RUBCN: variants seen among roughly 807,000 people sequenced by gnomAD.
RUBCN encodes rubicon autophagy regulator, also known as run domain Beclin-1-interacting and cysteine-rich domain-containing protein.
RUBCN carries 74 observed loss-of-function variants against 113.2 expected under a neutral mutation model. The observed-to-expected ratio is 0.65, with a 90% CI of 0.54 to 0.79. The LOEUF (loss-of-function observed/expected upper bound fraction) is 0.79. Ranked by LOEUF, RUBCN falls within the 30% of genes least tolerant of loss-of-function variation. The probability of loss-of-function intolerance (pLI) is 0.00; values close to 1 mark genes in which losing one functional copy is unlikely to be tolerated. For synonymous variants in RUBCN, 480 were observed against 490.0 expected (o/e 0.98, Z 0.27); for missense variants, 1,109 against 1,251.7 (o/e 0.89, Z 1.72).
chr3:197,677,417 G>A (rs370240295), intron 17 of RUBCN, 63 bp downstream of exon 17: 42 of 1,369,534 alleles, frequency 3.1e-5, no homozygotes, highest in African/African-American at 2.7e-4. Flanking sequence ...AGCCAAGCGC[G>A]GGGATGTGTC....
upstream of RUBCN, among the ~76,000 whole-genome samples, chr3:197,741,394 A>G (rs1473677762): frequency 6.6e-6 from 1 of 152,202 alleles, no homozygotes; most frequent in Non-Finnish European, 1.5e-5. Flanking sequence ...GGCATATATA[A>G]AGCTTATAGT....
Position 197,674,772 on chromosome 3 carries a change from T to C in RUBCN, c.*246A>G, listed in dbSNP as rs1377920201. Reference sequence around the variant, plus strand: ...TAGAAGCTTCACTGAAGGACCCGCATGTCAGTTCTGATGGAAACACCTGGT... The same window carrying C: ...TAGAAGCTTCACTGAAGGACCCGCACGTCAGTTCTGATGGAAACACCTGGT... On this transcript the variant is annotated 3_prime_UTR_variant, in exon 20 of 20. Coordinates refer to ENST00000296343, the MANE Select transcript of RUBCN (RefSeq NM_014687.4). The C allele has an allele frequency of 1.9e-6, 1 of 526,452 alleles. No homozygotes were observed. The allele number at this position is 526,452 out of a possible 1,614,324, so 32.6% of individuals were successfully genotyped here.
Position 197,700,950 on chromosome 3 carries a change from G to A in RUBCN, c.924C>T (p.Val308=). The part of the protein sequence containing the change: ...TLTSPIEASW[V]SSQNDSPGDA... ...CACCTGGGGAATCATTCTGGCTGCT[G>A]ACCCAGGATGCCTCTATGGGGCTGG... The change falls in exon 7 of 20, where the codon GTC becomes GTT. Residue 308 remains valine (V), a synonymous_variant. Coordinates refer to ENST00000296343, the MANE Select transcript of RUBCN (RefSeq NM_014687.4). 6.2e-7 allele frequency: 1 copy of A among 1,614,200 alleles called. No homozygotes were observed. The highest frequency in any genetic ancestry group is 8.5e-7 in the Non-Finnish European group (1 of 1,180,040).
chr3:197,735,981 T>G (rs1728079897), intron 1 of RUBCN, among the ~76,000 whole-genome samples: 1 of 152,196 alleles, frequency 6.6e-6, no homozygotes, highest in Non-Finnish European at 1.5e-5. Flanking sequence ...ACTTGCTTAG[T>G]TTGCATTGTG....
At chr3:197,708,536 A>G (rs1219193268) in intron 2 of RUBCN, among the ~76,000 whole-genome samples, 1 of 150,760 alleles carries the variant, frequency 6.6e-6, no homozygotes, top group African/African-American at 2.5e-5. Flanking sequence ...AGAAAAAAAA[A>G]GACTACAGTG....
intron 17 of RUBCN, 73 bp from the exon 18 acceptor site, chr3:197,677,111 T>A: frequency 6.7e-7 from 1 of 1,492,894 alleles, no homozygotes; most frequent in Non-Finnish European, 9.3e-7. Flanking sequence ...AGGATCCCTA[T>A]CCAGAAACTG....
intron 1 of RUBCN, among the ~76,000 whole-genome samples, chr3:197,724,258 A>G (rs1366439766): frequency 6.6e-6 from 1 of 151,826 alleles, no homozygotes; most frequent in African/African-American, 2.4e-5. Context: ...CCATGTTATA[A>G]TAAGTATGTT....
At chr3:197,745,808 G>A (rs578253124) in intron 1 of RUBCN, among the ~76,000 whole-genome samples, 15 of 152,118 alleles carry the variant, frequency 9.9e-5, no homozygotes, top group African/African-American at 2.7e-4. Context: ...AGTCTGAGTC[G>A]GGTGGATCAC....
intron 1 of RUBCN, among the ~76,000 whole-genome samples, chr3:197,734,387 T>C (rs1024974980): frequency 1.4e-5 from 2 of 147,636 alleles, no homozygotes; most frequent in East Asian, 2.0e-4. Flanking sequence ...CTAGGCAACA[T>C]AGTGAGACCC....
chr3:197,684,496 G>C (rs1333665337), intron 11 of RUBCN, among the ~76,000 whole-genome samples: 2 of 152,092 alleles, frequency 1.3e-5, no homozygotes, highest in Non-Finnish European at 2.9e-5. Context: ...GTGTAAAACA[G>C]TGAATGAGAA....
chr3:197,701,844 G>T lies in RUBCN; in HGVS notation c.591C>A (p.Ser197Arg). The T allele has an allele frequency of 6.2e-7, 1 of 1,614,178 alleles. No individual in the cohort carries two copies. The highest frequency in any genetic ancestry group is 8.5e-7 in the Non-Finnish European group (1 of 1,180,030). Residue 197 changes from serine to arginine, a missense_variant, in exon 6 of 20, where the codon AGC becomes AGA. By Grantham distance (110) the Ser-to-Arg change is moderately radical. Coordinates refer to ENST00000296343, the MANE Select transcript of RUBCN (RefSeq NM_014687.4). ...TCTGGCTCTTTGTCACCAGGAGCGG[G>T]CTCTCGTGCTTTCTGGCAAACTAAA... ...DASMFARKHE[S>R]PLLVTKSQSL...
intron 11 of RUBCN, among the ~76,000 whole-genome samples, chr3:197,689,353 A>G (rs1031910398): frequency 6.6e-6 from 1 of 152,182 alleles, no homozygotes; most frequent in Non-Finnish European, 1.5e-5. Flanking sequence ...TTTTTAATTG[A>G]AAAACATTTC....
chr3:197,715,028 G>A (rs184629944), intron 2 of RUBCN, among the ~76,000 whole-genome samples: 85 of 152,202 alleles, frequency 5.6e-4, no homozygotes, highest in African/African-American at 2.0e-3. Context: ...AGTGGCTCAC[G>A]CCTGTCATCC....
intron 1 of RUBCN, among the ~76,000 whole-genome samples, chr3:197,746,654 C>T (rs1260605126): frequency 1.3e-5 from 2 of 152,054 alleles, no homozygotes; most frequent in Non-Finnish European, 2.9e-5. Context: ...AAACAATTGT[C>T]CGTTGTTTAT....
chr3:197,740,238 G>GTTTT (rs5855652), upstream of RUBCN, among the ~76,000 whole-genome samples: 1 of 149,916 alleles, frequency 6.7e-6, no homozygotes. Flanking sequence ...CCCTTCTTTT[G>GTTTT]TTTTTTTTTC....
intron 16 of RUBCN, among the ~76,000 whole-genome samples, chr3:197,678,683 AC>A (rs1252640241): frequency 6.8e-6 from 1 of 147,754 alleles, no homozygotes; most frequent in Non-Finnish European, 1.5e-5. Flanking sequence ...CGCTCTGACA[AC>A]TGGCTCCAGA....
chr3:197,710,235 G>C (rs1437472029), intron 2 of RUBCN, among the ~76,000 whole-genome samples: 1 of 151,714 alleles, frequency 6.6e-6, no homozygotes, highest in Non-Finnish European at 1.5e-5. Flanking sequence ...CCTAAGAGAA[G>C]TCATAAAAGA....
intron 2 of RUBCN, among the ~76,000 whole-genome samples, chr3:197,713,359 T>C (rs115876961): frequency 0.012 from 1,852 of 152,234 alleles, 43 homozygotes; most frequent in African/African-American, 0.043. Flanking sequence ...GAAGAACCCA[T>C]TTGCTATTAG....
chr3:197,679,109 T>C (rs372704465), intron 16 of RUBCN, among the ~76,000 whole-genome samples: 1 of 150,330 alleles, frequency 6.7e-6, no homozygotes, highest in African/African-American at 2.5e-5. Flanking sequence ...ACAACTGGCT[T>C]CAGACTGTCC....
Sources: gnomAD v4.1 joint callset for allele counts (sites outside exome capture counted in the v4.1 genomes callset) on GRCh38, gnomAD v4.1.1 for gene constraint, MANE v1.5 for transcripts, NCBI Gene and HGNC (gene_info 2026-07-23, HGNC 2026-07-21) for gene names.